The following EIF2B3 variants were observed in gnomAD, a reference collection of about 807,000 sequenced individuals.
EIF2B3 encodes eukaryotic translation initiation factor 2B subunit gamma.
EIF2B3 carries 20 observed loss-of-function variants against 54.1 expected under a neutral mutation model. That is an observed-to-expected ratio of 0.37 (90% CI 0.26 to 0.54). EIF2B3 has a LOEUF of 0.54. Among genes scored for constraint, EIF2B3 ranks in the 20% least tolerant of loss-of-function variants. The probability of loss-of-function intolerance (pLI) is 0.86; values close to 1 mark genes in which losing one functional copy is unlikely to be tolerated. For synonymous variants in EIF2B3, 153 were observed against 188.1 expected, an observed-to-expected ratio of 0.81 and a Z score of 1.52; for missense variants, 448 against 547.8, an observed-to-expected ratio of 0.82 and a Z score of 1.82.
At position 44,914,977 on chromosome 1, in the gene EIF2B3, C is replaced by A. The variant is rs1361736902; in HGVS notation, c.566+11651G>T. On this transcript the variant is annotated intron_variant, in intron 5 of 11. Transcript: ENST00000360403. ...GTGCTGGGATTACAGGTGTGAGCCA[C>A]CATGCCCCGCCCATTATTTTAAATT... Among the ~76,000 whole-genome samples, 7 of 151,834 alleles carry A rather than the reference C, an allele frequency of 4.6e-5. No homozygotes were observed. The South Asian group carries it at 1.0e-3, about 23-fold the overall frequency.
intron 10 of EIF2B3, among the ~76,000 whole-genome samples, chr1:44,860,332 C>A (rs1255768826): frequency 6.6e-6 from 1 of 152,116 alleles, no homozygotes; most frequent in African/African-American, 2.4e-5. Flanking sequence ...CTAGTAATTT[C>A]ATCTGAAAAT....
intron 3 of EIF2B3, among the ~76,000 whole-genome samples, chr1:44,943,928 T>C (rs1393097039): frequency 1.3e-5 from 2 of 151,824 alleles, no homozygotes; most frequent in Non-Finnish European, 2.9e-5. Context: ...GCGGAGTGCC[T>C]GAGTTCAGGA....
chr1:44,853,586 G>T (rs956692869), intron 11 of EIF2B3, among the ~76,000 whole-genome samples: 1 of 152,132 alleles, frequency 6.6e-6, no homozygotes, highest in Admixed American at 6.6e-5. Context: ...CAGCCTGGGT[G>T]ACAGAGTAAG....
chr1:44,948,312 T>C (rs771827180), intron 3 of EIF2B3, among the ~76,000 whole-genome samples: 9 of 152,206 alleles, frequency 5.9e-5, no homozygotes, highest in Non-Finnish European at 1.3e-4. Flanking sequence ...TAGTCCAGGA[T>C]GGAAGTCCTT....
intron 5 of EIF2B3, among the ~76,000 whole-genome samples, chr1:44,905,152 G>A (rs1643389735): frequency 6.6e-6 from 1 of 152,170 alleles, no homozygotes; most frequent in Non-Finnish European, 1.5e-5. Context: ...ATTGTTAGGA[G>A]TGCATATGGA....
At chr1:44,877,778 T>G (rs1262845388) in intron 8 of EIF2B3, among the ~76,000 whole-genome samples, 2 of 152,140 alleles carry the variant, frequency 1.3e-5, no homozygotes, top group East Asian at 3.8e-4. Context: ...TTCTCCAGCA[T>G]AGACAGAATG....
At chr1:44,870,968 C>T (rs1557663285) in intron 10 of EIF2B3, among the ~76,000 whole-genome samples, 1 of 152,134 alleles carries the variant, frequency 6.6e-6, no homozygotes, top group Admixed American at 6.6e-5. Flanking sequence ...ACTTCTGTGC[C>T]TGCCACTTCC....
chr1:44,914,703 T>C (rs1164938420), intron 5 of EIF2B3, among the ~76,000 whole-genome samples: 3 of 152,126 alleles, frequency 2.0e-5, no homozygotes, highest in Non-Finnish European at 4.4e-5. Flanking sequence ...TTCCTTCCTT[T>C]TTTGAGACGG....
At chr1:44,915,396 C>G (rs1407072931) in intron 5 of EIF2B3, among the ~76,000 whole-genome samples, 1 of 152,100 alleles carries the variant, frequency 6.6e-6, no homozygotes, top group Non-Finnish European at 1.5e-5. Flanking sequence ...ACTGCAGCCT[C>G]GAACTCCCCG....
intron 6 of EIF2B3, among the ~76,000 whole-genome samples, chr1:44,890,033 G>A (rs566358556): frequency 3.9e-5 from 6 of 152,284 alleles, no homozygotes; most frequent in East Asian, 1.9e-4. Flanking sequence ...CAGGGAATAC[G>A]TGGCTCTTTG....
At chr1:44,888,788 T>C (rs1300648678) in intron 6 of EIF2B3, among the ~76,000 whole-genome samples, 1 of 152,246 alleles carries the variant, frequency 6.6e-6, no homozygotes, top group African/African-American at 2.4e-5. Flanking sequence ...TCTGGTTTTA[T>C]GTCCTTGGCA....
At position 44,880,078 on chromosome 1, in the gene EIF2B3, A is replaced by G. The variant is rs1321256886; in HGVS notation, c.785-70T>C. On this transcript the variant is annotated intron_variant, in intron 7 of 11. Coordinates refer to ENST00000360403, the MANE Select transcript of EIF2B3 (RefSeq NM_020365.5). ...AACAGAACAGATACAGACTCAGTCAAGTTGTTTTTTTGTTTATTTAAGAGA... is the reference window on the plus strand; with the variant it reads ...AACAGAACAGATACAGACTCAGTCAGGTTGTTTTTTTGTTTATTTAAGAGA... 3 of 1,559,278 alleles carry G rather than the reference A, an allele frequency of 1.9e-6. No homozygotes were observed. The African/African-American group carries it at 4.1e-5, about 21-fold the overall frequency.
intron 5 of EIF2B3, among the ~76,000 whole-genome samples, chr1:44,924,005 A>AGC (rs1643803633): frequency 4.6e-5 from 7 of 150,764 alleles, no homozygotes; most frequent in African/African-American, 7.4e-5. Context: ...CAGCGGTGCA[A>AGC]TCTCGGCTCA....
intron 5 of EIF2B3, among the ~76,000 whole-genome samples, chr1:44,923,654 C>T (rs78495470): frequency 6.6e-6 from 1 of 151,886 alleles, no homozygotes; most frequent in African/African-American, 2.4e-5. Flanking sequence ...TTTCTTCTCT[C>T]CATTTCTTTC....
intron 6 of EIF2B3, among the ~76,000 whole-genome samples, chr1:44,888,390 C>T (rs938007870): frequency 1.3e-5 from 2 of 151,732 alleles, no homozygotes; most frequent in Non-Finnish European, 2.9e-5. Context: ...GTCGCTAGGG[C>T]CGCTCAGGGA....
chr1:44,890,878 C>A (rs1224516559), intron 6 of EIF2B3, among the ~76,000 whole-genome samples: 2 of 152,122 alleles, frequency 1.3e-5, no homozygotes, highest in Non-Finnish European at 2.9e-5. Flanking sequence ...TTCTTCCACT[C>A]CTCACATATA....
chr1:44,895,970 T>C (rs969908475), intron 6 of EIF2B3, among the ~76,000 whole-genome samples: 1 of 152,184 alleles, frequency 6.6e-6, no homozygotes, highest in African/African-American at 2.4e-5. Context: ...AAGAGTTAAT[T>C]TCATTTTTGG....
rs1194645004 is a variant in EIF2B3 at position 44,919,883 on chromosome 1, C to CTTTTTTTTT, written c.566+6736_566+6744dup. On this transcript the variant is annotated intron_variant, in intron 5 of 11. Coordinates refer to ENST00000360403, the MANE Select transcript of EIF2B3 (RefSeq NM_020365.5). The stretch of plus-strand genomic sequence containing the variant: ...ACGCATGCGACAACATGCCTGGCTA[C>CTTTTTTTTT]TTTTTTTTTTTTTTTTTTAGTAGAT... 3.4e-3 allele frequency among the ~76,000 whole-genome samples: 404 copies of CTTTTTTTTT among 117,202 alleles called. 13 individuals are homozygous for CTTTTTTTTT. The highest frequency in any genetic ancestry group is 0.012 in the African/African-American group (384 of 32,992). The allele number at this position is 117,202 out of a possible 152,430, so 76.9% of individuals were successfully genotyped here.
chr1:44,972,156 A>G (rs1423315520), intron 3 of EIF2B3, among the ~76,000 whole-genome samples: 3 of 152,018 alleles, frequency 2.0e-5, no homozygotes, highest in African/African-American at 7.2e-5. Context: ...TGGGAGGCCA[A>G]GGTGGAGGAT....
Sources: gnomAD v4.1 joint callset for allele counts (sites outside exome capture counted in the v4.1 genomes callset) on GRCh38, gnomAD v4.1.1 for gene constraint, MANE v1.5 for transcripts, NCBI Gene and HGNC (gene_info 2026-07-23, HGNC 2026-07-21) for gene names.